Variants in PTPRM observed in about 807,000 individuals in gnomAD.
PTPRM encodes the protein protein tyrosine phosphatase receptor type M.
PTPRM carries 47 observed loss-of-function variants against 186.7 expected under a neutral mutation model. The ratio of observed to expected loss-of-function variants is 0.25; its 90% CI spans 0.20 to 0.32. The LOEUF (loss-of-function observed/expected upper bound fraction) is 0.32, where lower values mean the gene tolerates loss of function less well. Among genes scored for constraint, PTPRM ranks in the 10% least tolerant of loss-of-function variants. PTPRM has a pLI of 1.00. For synonymous variants in PTPRM, 668 were observed against 674.9 expected, an observed-to-expected ratio of 0.99 and a Z score of 0.16; for missense variants, 1,494 against 1,865.0, an observed-to-expected ratio of 0.80 and a Z score of 3.66.
chr18:7,910,194 A>G (rs1366334047), intron 4 of PTPRM, among the ~76,000 whole-genome samples: 1 of 152,208 alleles, frequency 6.6e-6, no homozygotes, highest in Non-Finnish European at 1.5e-5. Context: ...TTTTTAGTTT[A>G]TTCACAGAGT....
chr18:8,004,687 C>CA (rs1288047292), intron 7 of PTPRM, among the ~76,000 whole-genome samples: 1 of 151,784 alleles, frequency 6.6e-6, no homozygotes, highest in East Asian at 2.0e-4. Flanking sequence ...TTGGTAATGG[C>CA]AAAAAACACA....
At chr18:8,157,674 G>T (rs550027464) in intron 14 of PTPRM, among the ~76,000 whole-genome samples, 3 of 152,334 alleles carry the variant, frequency 2.0e-5, no homozygotes, top group African/African-American at 7.2e-5. Flanking sequence ...GTCAAGTGGA[G>T]AGCCGGATTA....
chr18:8,051,156 C>T (rs2087468469), intron 7 of PTPRM, among the ~76,000 whole-genome samples: 1 of 152,186 alleles, frequency 6.6e-6, no homozygotes, highest in African/African-American at 2.4e-5. Context: ...TATGATCTTG[C>T]TTCCTGTAAG....
At chr18:7,612,652 C>T (rs1303465964) in intron 1 of PTPRM, among the ~76,000 whole-genome samples, 4 of 152,046 alleles carry the variant, frequency 2.6e-5, no homozygotes, top group East Asian at 1.9e-4. Flanking sequence ...TGAAGCTGTA[C>T]GAAATCATTG....
chr18:7,721,106 G>A (rs1286587123), intron 1 of PTPRM, among the ~76,000 whole-genome samples: 4 of 150,514 alleles, frequency 2.7e-5, no homozygotes, highest in Admixed American at 2.0e-4. Flanking sequence ...AAAGGGTTCC[G>A]GTTTCTCCAC....
chr18:7,818,488 T>C (rs942474725), intron 2 of PTPRM, among the ~76,000 whole-genome samples: 2 of 152,222 alleles, frequency 1.3e-5, no homozygotes, highest in African/African-American at 2.4e-5. Flanking sequence ...GTCCTCCTAC[T>C]GGACTCTGAG....
intron 14 of PTPRM, among the ~76,000 whole-genome samples, chr18:8,167,456 C>T (rs949601239): frequency 2.6e-5 from 4 of 152,230 alleles, no homozygotes; most frequent in Admixed American, 1.3e-4. Flanking sequence ...CATTTCCAAC[C>T]CACAGCAAAG....
intron 4 of PTPRM, among the ~76,000 whole-genome samples, chr18:7,906,864 C>T (rs207476650): frequency 2.6e-5 from 4 of 152,090 alleles, no homozygotes; most frequent in Admixed American, 1.3e-4. Context: ...TATTTGTTGC[C>T]GTGGTCTTTA....
chr18:8,093,658 A>G lies in PTPRM; in HGVS notation c.1856+4807A>G, dbSNP rs546346425. On this transcript the variant is annotated intron_variant, in intron 11 of 32. Transcript: ENST00000580170. Reference sequence around the variant, plus strand: ...AGCAAACTCCCCTGACCCCAAATCTATATAATAACTCAGAAAAAAAAATGG... The same window carrying G: ...AGCAAACTCCCCTGACCCCAAATCTGTATAATAACTCAGAAAAAAAAATGG... 1.2e-4 allele frequency among the ~76,000 whole-genome samples: 19 copies of G among 152,262 alleles called. No homozygotes were observed. In the South Asian group the frequency reaches 3.9e-3, roughly 32 times the overall value.
At chr18:7,731,157 A>G (rs770509210) in intron 1 of PTPRM, among the ~76,000 whole-genome samples, 27 of 152,336 alleles carry the variant, frequency 1.8e-4, no homozygotes, top group Admixed American at 8.5e-4. Flanking sequence ...GCACTTCTTC[A>G]TCAAGTTGTT....
intron 20 of PTPRM, among the ~76,000 whole-genome samples, chr18:8,312,681 G>A (rs545688170): frequency 5.3e-5 from 8 of 152,116 alleles, no homozygotes; most frequent in African/African-American, 1.9e-4. Flanking sequence ...AAAACCACAC[G>A]TGAAGGATTC....
rs567538278 is a variant in PTPRM at position 7,945,474 on chromosome 18, AAG to A, written c.664-3703_664-3702del. 2.2e-3 allele frequency among the ~76,000 whole-genome samples: 327 copies of A among 152,082 alleles called. 4 individuals carry two copies. Among genetic ancestry groups the A allele is most frequent in the African/African-American group, 7.5e-3 (312 of 41,492 alleles). On this transcript the variant is annotated intron_variant, in intron 5 of 32. Transcript: ENST00000580170. ...AGTGAGACTCCATCTCAAAAAAAAA[AAG>A]AGAATATGCAGAGTCCCCACCAGCA...
chr18:7,868,156 C>G (rs909488089), intron 2 of PTPRM, among the ~76,000 whole-genome samples: 2 of 152,094 alleles, frequency 1.3e-5, no homozygotes, highest in South Asian at 4.1e-4. Flanking sequence ...TCCTTTAGCT[C>G]GGAGGAGTTC....
intron 31 of PTPRM, 73 bp downstream of exon 31, chr18:8,387,308 A>C: frequency 7.0e-7 from 1 of 1,437,854 alleles, no homozygotes; most frequent in Non-Finnish European, 9.5e-7. Context: ...TAGTTCTCTG[A>C]CTTTTGTTTC....
At chr18:8,336,209 A>G (rs1371888567) in intron 22 of PTPRM, among the ~76,000 whole-genome samples, 1 of 152,034 alleles carries the variant, frequency 6.6e-6, no homozygotes, top group Non-Finnish European at 1.5e-5. Context: ...AGGTTTTTAC[A>G]CCTGGGCAGT....
In PTPRM at chr18:8,247,827, CCT is replaced by C. The variant is rs1246477054; in HGVS notation, c.2453-13_2453-12del. ...TTACCTCTCTGCTGCCCCTGACCAGCCTCTCTTTTATTTACAGCTGTGTCTTC... is the reference window on the plus strand; with the variant it reads ...TTACCTCTCTGCTGCCCCTGACCAGCCTCTTTTATTTACAGCTGTGTCTTC... On this transcript the variant is annotated splice_polypyrimidine_tract_variant and intron_variant, in intron 15 of 32. Coordinates refer to ENST00000580170, the MANE Select transcript of PTPRM (RefSeq NM_001105244.2). 1 of 1,563,982 alleles carries C rather than the reference CCT, an allele frequency of 6.4e-7. No homozygotes were observed.
At chr18:7,656,182 G>A (rs987681641) in intron 1 of PTPRM, among the ~76,000 whole-genome samples, 1 of 152,196 alleles carries the variant, frequency 6.6e-6, no homozygotes, top group Admixed American at 6.5e-5. Context: ...AACCCCAGGT[G>A]TTCATCAGTG....
intron 7 of PTPRM, among the ~76,000 whole-genome samples, chr18:7,968,520 T>TC (rs1326756520): frequency 1.8e-4 from 8 of 44,026 alleles, no homozygotes; most frequent in African/African-American, 5.7e-4. Flanking sequence ...GCAAGTTGGA[T>TC]AAAGAGTCAA....
rs145818288 is a variant in PTPRM, at chr18:7,768,722, C to T, written c.74-5427C>T. Among the ~76,000 whole-genome samples, 919 of 151,264 alleles carry T rather than the reference C, an allele frequency of 6.1e-3. 13 individuals are homozygous for T. Among genetic ancestry groups the T allele is most frequent in the African/African-American group, 0.021 (856 of 41,148 alleles). On this transcript the variant is annotated intron_variant, in intron 1 of 32. Transcript: ENST00000580170. ...AGGGCAATGGCATGATCTTGGCTCA[C>T]TGCAACCTCCACCTCCCAGGTGCAA... is the stretch of plus-strand genomic sequence containing the variant.
Sources: allele counts gnomAD v4.1 joint callset (sites outside exome capture counted in the v4.1 genomes callset), GRCh38; gene constraint gnomAD v4.1.1; transcripts MANE v1.5; gene names NCBI Gene and HGNC (gene_info 2026-07-23, HGNC 2026-07-21).